Variants in ROBO1 observed in about 807,000 individuals in gnomAD.
ROBO1 encodes the protein roundabout homolog 1.
A neutral mutation model predicts 195.9 loss-of-function variants in ROBO1; 149 were observed. That is an observed-to-expected ratio of 0.76 (90% CI 0.67 to 0.87). ROBO1 has a LOEUF of 0.87. Ranked by LOEUF, ROBO1 falls within the 40% of genes least tolerant of loss-of-function variation. ROBO1 has a pLI of 0.00. For missense variants in ROBO1, 1,933 were observed against 2,068.3 expected (o/e 0.93, Z 1.27); for synonymous variants, 816 against 733.2 (o/e 1.11, Z -1.82).
At chr3:79,738,601 A>T (rs919268312) in intron 1 of ROBO1, among the ~76,000 whole-genome samples, 1 of 152,192 alleles carries the variant, frequency 6.6e-6, no homozygotes, top group African/African-American at 2.4e-5. Context: ...AAGAGTTCAG[A>T]GTCAGGAGGA....
chr3:79,398,512 C>A (rs1227425387), intron 2 of ROBO1, among the ~76,000 whole-genome samples: 1 of 152,044 alleles, frequency 6.6e-6, no homozygotes, highest in East Asian at 1.9e-4. Context: ...GACTTCTGAG[C>A]AAACTAAAGT....
At chr3:79,035,717 C>T (rs1027454122) in intron 3 of ROBO1, among the ~76,000 whole-genome samples, 9 of 148,676 alleles carry the variant, frequency 6.1e-5, no homozygotes, top group African/African-American at 1.7e-4. Flanking sequence ...GGCAACAGTA[C>T]GAGACTTTAT....
rs1430781738 is a variant in ROBO1, at chr3:78,918,029, T to G, written c.499+20572A>C. ...TGTAGCCCAGAAATGCACATGGAAA[T>G]GCCATGCAAAGGCTTTCAGTACATA... On this transcript the variant is annotated intron_variant, in intron 4 of 30. Coordinates refer to ENST00000464233, the MANE Select transcript of ROBO1 (RefSeq NM_002941.4). 2.6e-5 allele frequency among the ~76,000 whole-genome samples: 4 copies of G among 152,192 alleles called. No homozygotes were observed. In the East Asian group the frequency reaches 7.7e-4, roughly 29 times the overall value.
Position 78,597,971 on chromosome 3 carries a change from A to G in ROBO1, c.*942T>C, listed in dbSNP as rs1427978705. ...AAACCAAAAAAAAAAAAAAAAAGAG[A>G]GAGAGATTAAAAACAGTGCATTACA... is the stretch of plus-strand genomic sequence containing the variant. On this transcript the variant is annotated 3_prime_UTR_variant, in exon 31 of 31. Coordinates refer to ENST00000464233, the MANE Select transcript of ROBO1 (RefSeq NM_002941.4). 1 of 148,994 alleles carries G rather than the reference A, an allele frequency of 6.7e-6. No individual in the cohort carries two copies. Among genetic ancestry groups the G allele is most frequent in the Non-Finnish European group, 1.5e-5 (1 of 66,940 alleles). 9.2% of individuals were successfully genotyped at this position (148,994 alleles called of 1,614,324 possible).
At chr3:78,793,138 A>G (rs2108536057) in intron 4 of ROBO1, among the ~76,000 whole-genome samples, 1 of 147,558 alleles carries the variant, frequency 6.8e-6, no homozygotes, top group Non-Finnish European at 1.5e-5. Flanking sequence ...ACAAAACCAA[A>G]AAAAAAAAAA....
At chr3:79,516,346 C>T (rs1940943273) in intron 2 of ROBO1, among the ~76,000 whole-genome samples, 1 of 151,924 alleles carries the variant, frequency 6.6e-6, no homozygotes, top group South Asian at 2.1e-4. Context: ...TCTCAATTTA[C>T]CTATATTTAT....
chr3:79,628,002 G>A (rs905862237), intron 1 of ROBO1, among the ~76,000 whole-genome samples: 2 of 152,166 alleles, frequency 1.3e-5, no homozygotes, highest in Non-Finnish European at 2.9e-5. Flanking sequence ...TGGTGAGGCT[G>A]TGGAAAAGTA....
At chr3:79,175,360 G>A (rs1454334827) in intron 2 of ROBO1, among the ~76,000 whole-genome samples, 1 of 152,112 alleles carries the variant, frequency 6.6e-6, no homozygotes, top group East Asian at 1.9e-4. Context: ...TTCCCAGGCT[G>A]GTCTGGGACT....
chr3:78,955,661 A>T (rs2041013078), intron 3 of ROBO1, among the ~76,000 whole-genome samples: 1 of 152,178 alleles, frequency 6.6e-6, no homozygotes, highest in African/African-American at 2.4e-5. Context: ...AACTTTTTGC[A>T]TTAGGCAATC....
At chr3:79,024,026 A>C (rs2078156560) in intron 3 of ROBO1, among the ~76,000 whole-genome samples, 1 of 151,870 alleles carries the variant, frequency 6.6e-6, no homozygotes, top group African/African-American at 2.4e-5. Flanking sequence ...AATATTTTTA[A>C]CACAGCATTG....
At chr3:78,647,932 C>G (rs1042020542) in intron 19 of ROBO1, among the ~76,000 whole-genome samples, 7 of 152,076 alleles carry the variant, frequency 4.6e-5, no homozygotes, top group African/African-American at 1.7e-4. Flanking sequence ...TTTAGTAACA[C>G]AGATTTAGCT....
chr3:79,395,305 G>A (rs2037109681), intron 2 of ROBO1, among the ~76,000 whole-genome samples: 1 of 111,758 alleles, frequency 8.9e-6, no homozygotes, highest in Non-Finnish European at 1.7e-5. Context: ...CTGGGCGATA[G>A]AGCAAGACTC....
chr3:79,632,713 T>C (rs1422418161), intron 1 of ROBO1, among the ~76,000 whole-genome samples: 3 of 152,148 alleles, frequency 2.0e-5, no homozygotes, highest in Non-Finnish European at 2.9e-5. Flanking sequence ...AATATATTTG[T>C]GACCATGTGT....
At chr3:79,661,488 G>T (rs1303343222) in intron 1 of ROBO1, among the ~76,000 whole-genome samples, 2 of 151,990 alleles carry the variant, frequency 1.3e-5, no homozygotes, top group Non-Finnish European at 2.9e-5. Context: ...AACAGATACT[G>T]CTTAAATGTA....
intron 8 of ROBO1, among the ~76,000 whole-genome samples, chr3:78,699,717 A>G (rs960416660): frequency 6.6e-6 from 1 of 152,014 alleles, no homozygotes; most frequent in Non-Finnish European, 1.5e-5. Context: ...TTGCTGTGTA[A>G]CAATTCAGTG....
intron 3 of ROBO1, among the ~76,000 whole-genome samples, chr3:79,046,458 A>G (rs1366772302): frequency 6.6e-6 from 1 of 152,088 alleles, no homozygotes; most frequent in Non-Finnish European, 1.5e-5. Context: ...CGGTAATGTA[A>G]CATATATATA....
chr3:79,493,385 G>T (rs1478910784), intron 2 of ROBO1, among the ~76,000 whole-genome samples: 1 of 151,722 alleles, frequency 6.6e-6, no homozygotes, highest in African/African-American at 2.4e-5. Flanking sequence ...AAACTGATAG[G>T]TATTAACTAA....
intron 2 of ROBO1, among the ~76,000 whole-genome samples, chr3:79,192,630 G>A (rs11920038): frequency 6.6e-6 from 1 of 151,452 alleles, no homozygotes; most frequent in Non-Finnish European, 1.5e-5. Flanking sequence ...TCTAAAAGCC[G>A]TATGGATAAG....
At chr3:79,045,380 T>C (rs1003404370) in intron 3 of ROBO1, among the ~76,000 whole-genome samples, 1 of 152,098 alleles carries the variant, frequency 6.6e-6, no homozygotes, top group Non-Finnish European at 1.5e-5. Flanking sequence ...TGATTTGTTG[T>C]GTTAGCTTCA....
Sources: gnomAD v4.1 joint callset for allele counts (sites outside exome capture counted in the v4.1 genomes callset) on GRCh38, gnomAD v4.1.1 for gene constraint, MANE v1.5 for transcripts, NCBI Gene and HGNC (gene_info 2026-07-23, HGNC 2026-07-21) for gene names.